The following ZNF461 variants were observed in gnomAD, a reference collection of about 807,000 sequenced individuals.
ZNF461 encodes the protein zinc finger protein 461, also known as gonadotropin-inducible ovarian transcription factor-1.
In ZNF461, 16 loss-of-function variants were observed where a neutral mutation model predicts 18.3. The observed-to-expected ratio is 0.88, with a 90% confidence interval of 0.59 to 1.33. The LOEUF is 1.33. ZNF461 is among the 40% of genes most tolerant of loss of function. The pLI is 0.00. For missense variants in ZNF461, 595 were observed against 669.9 expected, an observed-to-expected ratio of 0.89 and a Z score of 1.23; for synonymous variants, 179 against 216.9, an observed-to-expected ratio of 0.83 and a Z score of 1.54.
intron 2 of ZNF461, among the ~76,000 whole-genome samples, chr19:36,660,178 A>G (rs1227567541): frequency 7.0e-6 from 1 of 143,282 alleles, no homozygotes; most frequent in Admixed American, 7.1e-5. Context: ...TTTAAGCAGA[A>G]TATCACTGTT....
chr19:36,644,008 C>A, intron 4 of ZNF461, 146 bp from the exon 5 acceptor site: 1 of 597,978 alleles, frequency 1.7e-6, no homozygotes, highest in Non-Finnish European at 2.4e-6. Flanking sequence ...TCTCAGCTCA[C>A]TGCAACCCCC....
chr19:36,638,595 G>A lies in ZNF461; in HGVS notation c.*58C>T. On this transcript the variant is annotated 3_prime_UTR_variant, in exon 6 of 6. Transcript: ENST00000588268. ...TAAATAAATACTAATGAAACTGGTGGCTTACCAACTTTTTCCTTAAATAAA... is the reference window on the plus strand; with the variant it reads ...TAAATAAATACTAATGAAACTGGTGACTTACCAACTTTTTCCTTAAATAAA... The A allele has an allele frequency of 6.2e-6, 8 of 1,299,066 alleles. No individual in the cohort carries two copies. Among genetic ancestry groups the A allele is most frequent in the Non-Finnish European group, 8.3e-6 (8 of 962,500 alleles). 80.5% of individuals were successfully genotyped at this position (1,299,066 alleles called of 1,614,324 possible).
chr19:36,658,293 C>G lies in ZNF461; in HGVS notation c.136+6G>C. ...TGTCAGGTTCTTAATTTTTAGATAA[C>G]TTTACCAAGTGACACCAAGTTGCTA... On this transcript the variant is annotated splice_donor_region_variant and intron_variant, in intron 3 of 5. Transcript: ENST00000588268. 6.2e-7 allele frequency: 1 copy of G among 1,602,268 alleles called. No individual in the cohort carries two copies. The highest frequency in any genetic ancestry group is 8.5e-7 in the Non-Finnish European group (1 of 1,174,674).
At chr19:36,649,145 C>T (rs1373296860) in intron 4 of ZNF461, among the ~76,000 whole-genome samples, 1 of 152,078 alleles carries the variant, frequency 6.6e-6, no homozygotes, top group Non-Finnish European at 1.5e-5. Context: ...CAAGGTACAA[C>T]TGAAAATCAC....
chr19:36,665,020 C>G (rs1259375117), intron 1 of ZNF461, among the ~76,000 whole-genome samples: 1 of 152,142 alleles, frequency 6.6e-6, no homozygotes, highest in Non-Finnish European at 1.5e-5. Context: ...TGCCCTTCAG[C>G]AGAAGGGATA....
At chr19:36,653,427 C>T (rs937769182) in intron 4 of ZNF461, among the ~76,000 whole-genome samples, 1 of 152,112 alleles carries the variant, frequency 6.6e-6, no homozygotes, top group Admixed American at 6.5e-5. Context: ...GAGAACAGAA[C>T]AGTGGTTGCC....
Position 36,639,827 on chromosome 19 carries a change from G to T in ZNF461, c.518C>A (p.Pro173His), listed in dbSNP as rs2037389560. The T allele has an allele frequency of 1.2e-6, 2 of 1,613,714 alleles. No homozygotes were observed. Among genetic ancestry groups the T allele is most frequent in the East Asian group, 4.5e-5 (2 of 44,848 alleles). Reference sequence around the variant, plus strand: ...GAGTAAAGTATGTTGGCTAAAAATGGGCATGTTTTCATGGTTAATCATAAG... The same window carrying T: ...GAGTAAAGTATGTTGGCTAAAAATGTGCATGTTTTCATGGTTAATCATAAG... ...RQLMINHENM[P>H]IFSQHTLLTQ... is the part of the protein sequence containing the mutation. Residue 173 changes from proline (P) to histidine (H), a missense_variant, in exon 6 of 6, where the codon CCC (proline) becomes CAC (histidine). Physicochemically the swap from Pro to His is moderately conservative, Grantham distance 77 (BLOSUM62 -2). Transcript: ENST00000588268.
chr19:36,656,662 A>C, intron 3 of ZNF461, 119 bp from the exon 4 acceptor site: 1 of 743,386 alleles, frequency 1.3e-6, no homozygotes, highest in East Asian at 2.7e-5. Flanking sequence ...TAAGGGATAC[A>C]GAGGAAATAA....
intron 2 of ZNF461, among the ~76,000 whole-genome samples, chr19:36,660,430 A>C (rs2037797913): frequency 1.3e-5 from 2 of 151,948 alleles, no homozygotes; most frequent in African/African-American, 4.8e-5. Flanking sequence ...GATTACAGGC[A>C]TGAGCCACTG....
At chr19:36,652,006 G>A (rs939171868) in intron 4 of ZNF461, among the ~76,000 whole-genome samples, 4 of 152,124 alleles carry the variant, frequency 2.6e-5, no homozygotes, top group Non-Finnish European at 5.9e-5. Context: ...AACAGAGAAT[G>A]CAGAAAGAGA....
chr19:36,662,221 C>G (rs1427672404), intron 2 of ZNF461, among the ~76,000 whole-genome samples: 2 of 151,462 alleles, frequency 1.3e-5, no homozygotes, highest in African/African-American at 4.8e-5. Flanking sequence ...TAGGAGCATT[C>G]AAAGCTATGA....
chr19:36,644,300 G>A (rs113915964), intron 4 of ZNF461, among the ~76,000 whole-genome samples: 6,109 of 151,562 alleles, frequency 0.04, 413 homozygotes, highest in African/African-American at 0.14. Flanking sequence ...ATGGAGTCTC[G>A]CTCTGTCCCC....
At chr19:36,651,451 A>T (rs1181436585) in intron 4 of ZNF461, among the ~76,000 whole-genome samples, 2 of 152,082 alleles carry the variant, frequency 1.3e-5, no homozygotes, top group African/African-American at 2.4e-5. Flanking sequence ...ATTTGTCGAT[A>T]ATTTGTTTAT....
At position 36,640,006 on chromosome 19, in the gene ZNF461, T is replaced by C; in HGVS notation, c.339A>G (p.Pro113=). The C allele has an allele frequency of 6.2e-7, 1 of 1,612,872 alleles. No homozygotes were observed. The highest frequency in any genetic ancestry group is 1.1e-5 in the South Asian group (1 of 91,026). Residue 113 remains proline, a synonymous_variant, in exon 6 of 6, where the codon CCA becomes CCG. Coordinates refer to ENST00000588268, the MANE Select transcript of ZNF461 (RefSeq NM_153257.5). ...ASRDEPQKLS[P]KRDIYETELS... ...ATTCTGTTTCATAAATATCCCTTTT[T>C]GGAGATAACTTCTGGGGCTCATCTC...
chr19:36,659,633 C>T (rs1403398627), intron 2 of ZNF461, among the ~76,000 whole-genome samples: 1 of 152,166 alleles, frequency 6.6e-6, no homozygotes, highest in African/African-American at 2.4e-5. Flanking sequence ...CTGGAGTGAA[C>T]AAAATCTCTA....
At chr19:36,642,563 A>G (rs1442432694) in intron 5 of ZNF461, among the ~76,000 whole-genome samples, 1 of 152,156 alleles carries the variant, frequency 6.6e-6, no homozygotes, top group African/African-American at 2.4e-5. Context: ...GCATATGAGC[A>G]TATGCCAGGC....
intron 4 of ZNF461, among the ~76,000 whole-genome samples, chr19:36,646,463 C>T (rs1313330898): frequency 2.0e-5 from 3 of 152,026 alleles, no homozygotes; most frequent in Non-Finnish European, 2.9e-5. Flanking sequence ...TTGTGTCAGC[C>T]CCTGTGAGCT....
At chr19:36,663,254 A>G (rs2037846987) in intron 2 of ZNF461, among the ~76,000 whole-genome samples, 1 of 152,108 alleles carries the variant, frequency 6.6e-6, no homozygotes, top group Non-Finnish European at 1.5e-5. Flanking sequence ...TCCTAAAGCA[A>G]TTCTCCCGCC....
chr19:36,655,751 A>G (rs1376142686), intron 4 of ZNF461, among the ~76,000 whole-genome samples: 1 of 152,188 alleles, frequency 6.6e-6, no homozygotes, highest in African/African-American at 2.4e-5. Flanking sequence ...GCCAAATCCA[A>G]TGTCATGAAG....
Sources: allele counts gnomAD v4.1 joint callset (sites outside exome capture counted in the v4.1 genomes callset), GRCh38; gene constraint gnomAD v4.1.1; transcripts MANE v1.5; gene names NCBI Gene and HGNC (gene_info 2026-07-23, HGNC 2026-07-21).